The following KLHDC1 variants were observed in gnomAD, a reference collection of about 807,000 sequenced individuals.
KLHDC1 encodes the protein kelch domain-containing protein 1.
A neutral mutation model predicts 68.3 loss-of-function variants in KLHDC1; 53 were observed. The ratio of observed to expected loss-of-function variants is 0.78; its 90% CI spans 0.62 to 0.98. KLHDC1 has a LOEUF of 0.98. KLHDC1 is among the 50% of genes least tolerant of loss of function. The pLI is 0.00. For synonymous variants in KLHDC1, 148 were observed against 159.0 expected, an observed-to-expected ratio of 0.93 and a Z score of 0.52; for missense variants, 470 against 492.3, an observed-to-expected ratio of 0.95 and a Z score of 0.43.
Position 49,710,302 on chromosome 14 carries a change from A to G in KLHDC1, c.325A>G (p.Ile109Val). 5.0e-6 allele frequency: 8 copies of G among 1,611,408 alleles called. No homozygotes were observed. The highest frequency in any genetic ancestry group is 1.1e-5 in the South Asian group (1 of 91,006). ...TTTACGAACAAGAGATGAAACCTAC[A>G]TTTGGGAGAAAATCACCGACTTTGA... ...VNLRTRDETY[I>V]WEKITDFEGQ... Residue 109 changes from isoleucine (I) to valine (V), a missense_variant, in exon 4 of 13, where the codon ATT (isoleucine) becomes GTT (valine). Coordinates refer to ENST00000359332, the MANE Select transcript of KLHDC1 (RefSeq NM_172193.3).
chr14:49,735,905 C>T (rs1888920794), intron 10 of KLHDC1, among the ~76,000 whole-genome samples: 1 of 152,024 alleles, frequency 6.6e-6, no homozygotes, highest in African/African-American at 2.4e-5. Context: ...GTCCCAGCTA[C>T]TCAGGAGGCT....
intron 12 of KLHDC1, among the ~76,000 whole-genome samples, chr14:49,749,570 C>T (rs1364030383): frequency 1.3e-5 from 2 of 149,246 alleles, no homozygotes; most frequent in East Asian, 4.0e-4. Context: ...CCCAGCTACT[C>T]GGGAGGATGA....
At chr14:49,723,743 C>T (rs1888596269) in intron 4 of KLHDC1, 131 bp from the exon 5 acceptor site, 3 of 583,448 alleles carry the variant, frequency 5.1e-6, no homozygotes, top group Non-Finnish European at 6.0e-6. Flanking sequence ...TCTTTGTTCC[C>T]TCAGCTCTTT....
At chr14:49,713,989 G>C (rs1317255792) in intron 4 of KLHDC1, among the ~76,000 whole-genome samples, 11 of 147,984 alleles carry the variant, frequency 7.4e-5, no homozygotes, top group Non-Finnish European at 1.6e-4. Context: ...TGGGATTACA[G>C]GTGCACGCCA....
intron 6 of KLHDC1, among the ~76,000 whole-genome samples, chr14:49,726,983 G>A (rs981961716): frequency 2.6e-5 from 4 of 152,174 alleles, no homozygotes; most frequent in Non-Finnish European, 5.9e-5. Context: ...GCTGGCTCAT[G>A]CCTGTAATCC....
At chr14:49,744,326 A>G (rs569900741) in intron 12 of KLHDC1, among the ~76,000 whole-genome samples, 1 of 150,898 alleles carries the variant, frequency 6.6e-6, no homozygotes, top group African/African-American at 2.4e-5. Flanking sequence ...GTGTGTGTGT[A>G]TGTACACATA....
At chr14:49,718,811 C>G (rs1888450180) in intron 4 of KLHDC1, among the ~76,000 whole-genome samples, 1 of 86,240 alleles carries the variant, frequency 1.2e-5, no homozygotes, top group African/African-American at 4.7e-5. Flanking sequence ...TAGTCTCACT[C>G]TGTTCACTTT....
chr14:49,742,200 CAA>C (rs1889080526), intron 11 of KLHDC1, among the ~76,000 whole-genome samples: 1 of 152,084 alleles, frequency 6.6e-6, no homozygotes, highest in South Asian at 2.1e-4. Context: ...ATTTAGGATA[CAA>C]AGTTTATCAT....
intron 12 of KLHDC1, chr14:49,751,136 A>G (rs534566243): frequency 6.6e-6 from 1 of 152,296 alleles, no homozygotes; most frequent in African/African-American, 2.4e-5. Flanking sequence ...CTTAAAGAAC[A>G]TTATGCATGG....
At position 49,722,025 on chromosome 14, in the gene KLHDC1, C is replaced by G. The variant is rs563864425; in HGVS notation, c.405-1849C>G. Among the ~76,000 whole-genome samples the G allele has an allele frequency of 3.5e-4, 53 of 152,306 alleles. 1 individual carries two copies. The highest frequency in any genetic ancestry group is 1.3e-3 in the African/African-American group (52 of 41,564). On this transcript the variant is annotated intron_variant, in intron 4 of 12. Transcript: ENST00000359332. ...GCCTAAAGGGGATTTTCTCAGCTCT[C>G]CTCTGCCTCCAGCTGTTGGTGACTG... is the stretch of plus-strand genomic sequence containing the variant.
chr14:49,698,813 G>A (rs746226745), intron 1 of KLHDC1, among the ~76,000 whole-genome samples: 21 of 151,976 alleles, frequency 1.4e-4, no homozygotes, highest in Non-Finnish European at 2.4e-4. Flanking sequence ...ACTGTGCCTG[G>A]CCTAAATGTC....
chr14:49,752,418 G>T lies in KLHDC1; in HGVS notation c.*646G>T, dbSNP rs1011322601. ...TCCATTACCCCTAAGTTATTAGTTT[G>T]TCTAGTTTATATATAAAGACCATGT... On this transcript the variant is annotated 3_prime_UTR_variant, in exon 13 of 13. Coordinates refer to ENST00000359332, the MANE Select transcript of KLHDC1 (RefSeq NM_172193.3). 6.6e-6 allele frequency: 1 copy of T among 152,408 alleles called. No individual in the cohort carries two copies. Among genetic ancestry groups the T allele is most frequent in the Non-Finnish European group, 1.5e-5 (1 of 67,912 alleles). The allele number at this position is 152,408 out of a possible 1,614,324, so 9.4% of individuals were successfully genotyped here. A position where few individuals can be genotyped will look rare whatever the true frequency, so the allele number is the denominator to read the frequency against.
At chr14:49,726,147 G>A (rs910957719) in intron 6 of KLHDC1, among the ~76,000 whole-genome samples, 2 of 152,140 alleles carry the variant, frequency 1.3e-5, no homozygotes, top group African/African-American at 4.8e-5. Context: ...CACCACACCT[G>A]GCCTGTTATT....
chr14:49,709,513 T>A (rs1888143420), intron 2 of KLHDC1, among the ~76,000 whole-genome samples, 196 bp from the exon 3 acceptor site: 1 of 144,788 alleles, frequency 6.9e-6, no homozygotes, highest in South Asian at 2.2e-4. Flanking sequence ...ATTTTTGTGA[T>A]TTTTTTTTTT....
intron 1 of KLHDC1, 29 bp from the exon 2 acceptor site, chr14:49,709,130 A>C: frequency 1.0e-6 from 1 of 963,374 alleles, no homozygotes. Context: ...TAACTGATAA[A>C]CATAATTTTA....
chr14:49,708,462 C>T (rs1284234139), intron 1 of KLHDC1: 1 of 152,126 alleles, frequency 6.6e-6, no homozygotes, highest in Non-Finnish European at 1.5e-5. Flanking sequence ...TTTATTTTAA[C>T]TCCTAAGCTT....
At chr14:49,699,563 A>G (rs920655202) in intron 1 of KLHDC1, among the ~76,000 whole-genome samples, 2 of 152,204 alleles carry the variant, frequency 1.3e-5, no homozygotes, top group African/African-American at 4.8e-5. Context: ...AGTTAAGTAT[A>G]ATGATCAGAT....
intron 12 of KLHDC1, among the ~76,000 whole-genome samples, chr14:49,747,050 C>T (rs1594685852): frequency 6.6e-6 from 1 of 151,724 alleles, no homozygotes; most frequent in South Asian, 2.1e-4. Context: ...GGGTTCACGC[C>T]ATTCTCCTGC....
At chr14:49,721,263 T>C (rs1888517782) in intron 4 of KLHDC1, among the ~76,000 whole-genome samples, 1 of 152,146 alleles carries the variant, frequency 6.6e-6, no homozygotes, top group African/African-American at 2.4e-5. Context: ...AACCTTGAAC[T>C]CTGAGTTCAA....
Sources: allele counts gnomAD v4.1 joint callset (sites outside exome capture counted in the v4.1 genomes callset), GRCh38; gene constraint gnomAD v4.1.1; transcripts MANE v1.5; gene names NCBI Gene and HGNC (gene_info 2026-07-23, HGNC 2026-07-21).